JAK2: variants seen among roughly 807,000 people sequenced by gnomAD.
JAK2 encodes the protein tyrosine-protein kinase JAK2.
In JAK2, 86 loss-of-function variants were observed where a neutral mutation model predicts 139.3. That is an observed-to-expected ratio of 0.62 (90% CI 0.52 to 0.74). JAK2 has a LOEUF of 0.74. JAK2 is among the 30% of genes least tolerant of loss of function. The pLI, the probability that JAK2 is intolerant of heterozygous loss-of-function variation, is 0.00. For missense variants in JAK2, 1,421 were observed against 1,360.3 expected, an observed-to-expected ratio of 1.04 and a Z score of -0.70; for synonymous variants, 490 against 437.7, an observed-to-expected ratio of 1.12 and a Z score of -1.49.
At chr9:5,113,006 G>T (rs1822768163) in intron 22 of JAK2, among the ~76,000 whole-genome samples, 1 of 152,102 alleles carries the variant, frequency 6.6e-6, no homozygotes, top group South Asian at 2.1e-4. Context: ...GAGTGATGGG[G>T]GCAAGGAAGG....
chr9:5,042,650 C>T (rs1312325135), intron 4 of JAK2, among the ~76,000 whole-genome samples: 3 of 152,194 alleles, frequency 2.0e-5, no homozygotes, highest in Non-Finnish European at 4.4e-5. Flanking sequence ...TTGTCTCCCT[C>T]ATCCAAAGGC....
At chr9:5,114,748 A>C in intron 22 of JAK2, 1 of 339,954 alleles carries the variant, frequency 2.9e-6, no homozygotes, top group Non-Finnish European at 5.8e-6. Flanking sequence ...TCTGTGGTCC[A>C]TGAGACAGCG....
Position 5,072,436 on chromosome 9 carries a change from T to A in JAK2, c.1642-56T>A. The A allele has an allele frequency of 7.4e-6, 10 of 1,350,896 alleles. No homozygotes were observed. In the South Asian group the frequency reaches 1.7e-4, roughly 23 times the overall value. 83.7% of individuals were successfully genotyped at this position (1,350,896 alleles called of 1,614,324 possible). On this transcript the variant is annotated intron_variant, in intron 12 of 24. Coordinates refer to ENST00000381652, the MANE Select transcript of JAK2 (RefSeq NM_004972.4). The stretch of plus-strand genomic sequence containing the variant: ...TTCCTCATTGAATGTATTTTCTTGT[T>A]CCTACTTCGTTCTCCATCTTTACTC...
intron 8 of JAK2, among the ~76,000 whole-genome samples, chr9:5,058,951 T>C (rs1817969465): frequency 1.3e-5 from 2 of 152,232 alleles, no homozygotes; most frequent in Non-Finnish European, 2.9e-5. Context: ...AATATATGAT[T>C]TGCAAATATT....
intron 22 of JAK2, chr9:5,109,672 T>C (rs1191070607): frequency 3.9e-5 from 6 of 152,188 alleles, no homozygotes; most frequent in African/African-American, 1.4e-4. Flanking sequence ...GAAGTCATTA[T>C]CTCAAACTGA....
At chr9:5,126,594 A>G in intron 24 of JAK2, 90 bp from the exon 25 acceptor site, 4 of 970,986 alleles carry the variant, frequency 4.1e-6, no homozygotes, top group African/African-American at 3.3e-5. Flanking sequence ...TGGTTATGAC[A>G]TGTGCCCTGT....
chr9:5,071,400 C>CAT (rs1818940639), intron 12 of JAK2, among the ~76,000 whole-genome samples: 1 of 151,950 alleles, frequency 6.6e-6, no homozygotes, highest in Non-Finnish European at 1.5e-5. Flanking sequence ...CTATAAAATA[C>CAT]ATATACATGT....
intron 4 of JAK2, among the ~76,000 whole-genome samples, chr9:5,042,124 CTTTTTTTTTTT>C (rs71326152): frequency 3.7e-5 from 4 of 107,612 alleles, no homozygotes; most frequent in African/African-American, 7.7e-5. Flanking sequence ...GCCAAAATTT[CTTTTTTTTTTT>C]TTTTTTTTTT....
chr9:5,127,944 A>G lies in JAK2; in HGVS notation c.*1153A>G, dbSNP rs961966101. 1 of 232,346 alleles carries G rather than the reference A, an allele frequency of 4.3e-6. No individual in the cohort carries two copies. The highest frequency in any genetic ancestry group is 2.2e-5 in the African/African-American group (1 of 45,292). The allele number at this position is 232,346 out of a possible 1,614,324, so 14.4% of individuals were successfully genotyped here. On this transcript the variant is annotated 3_prime_UTR_variant, in exon 25 of 25. Transcript: ENST00000381652. ...ATTCAAGAATGCCAGTAGAAAATTC[A>G]TAACGTGTATCTTTAAGAAAAATGA...
intron 5 of JAK2, among the ~76,000 whole-genome samples, chr9:5,050,445 A>G (rs1041935596): frequency 6.6e-6 from 1 of 152,016 alleles, no homozygotes; most frequent in East Asian, 1.9e-4. Context: ...TAATTTTTAA[A>G]TTTTTTGTGG....
chr9:5,026,445 ATAATT>A (rs1312180379), intron 3 of JAK2, among the ~76,000 whole-genome samples: 5 of 152,228 alleles, frequency 3.3e-5, no homozygotes, highest in Admixed American at 6.5e-5. Flanking sequence ...GGTCGTGTTA[ATAATT>A]TAAATTAAGA....
rs1824165005 is a variant in JAK2, at chr9:5,128,786, T to C, written c.*1995T>C. ...ACTACACATAAAAATAAGATAACCC[T>C]GTAGTTATTAAGTTGGTTCTGTACA... On this transcript the variant is annotated 3_prime_UTR_variant, in exon 25 of 25. Transcript: ENST00000381652. Among the ~76,000 whole-genome samples, 1 of 151,976 alleles carries C rather than the reference T, an allele frequency of 6.6e-6. No individual in the cohort carries two copies. The highest frequency in any genetic ancestry group is 2.1e-4 in the South Asian group (1 of 4,832).
intron 4 of JAK2, chr9:5,041,689 G>T: frequency 5.9e-6 from 3 of 510,600 alleles, no homozygotes; most frequent in Non-Finnish European, 1.2e-5. Context: ...TTCGACCGAA[G>T]CGGCTTCGTG....
At chr9:5,032,042 A>T (rs558641648) in intron 4 of JAK2, among the ~76,000 whole-genome samples, 26 of 152,310 alleles carry the variant, frequency 1.7e-4, no homozygotes, top group African/African-American at 5.3e-4. Context: ...GCACCTGGAA[A>T]ATCGGGTCAC....
intron 22 of JAK2, chr9:5,112,962 C>A: frequency 4.9e-6 from 1 of 203,626 alleles, no homozygotes; most frequent in South Asian, 1.5e-4. Flanking sequence ...CAACTGTTGT[C>A]AGCATTGAGC....
At chr9:5,027,278 A>G (rs534604751) in intron 3 of JAK2, among the ~76,000 whole-genome samples, 1 of 152,358 alleles carries the variant, frequency 6.6e-6, no homozygotes, top group African/African-American at 2.4e-5. Context: ...AGCAAATCAC[A>G]TGAAGTTTTA....
intron 22 of JAK2, among the ~76,000 whole-genome samples, chr9:5,118,109 G>A (rs553010995): frequency 8.5e-5 from 13 of 152,158 alleles, no homozygotes; most frequent in African/African-American, 2.9e-4. Flanking sequence ...TGCAGTGAGC[G>A]GAGACCTCGC....
Position 5,054,874 on chromosome 9 carries a change from T to G in JAK2, c.926T>G (p.Leu309Arg). 1 of 1,594,186 alleles carries G rather than the reference T, an allele frequency of 6.3e-7. No individual in the cohort carries two copies. The highest frequency in any genetic ancestry group is 8.6e-7 in the Non-Finnish European group (1 of 1,168,726). ...SRGKHKESET[L>R]TEQDLQLYCD... Reference sequence around the variant, plus strand: ...GGGAAACATAAAGAAAGTGAGACACTGACAGAACAGGTAATCCTTAATGAT... The same window carrying G: ...GGGAAACATAAAGAAAGTGAGACACGGACAGAACAGGTAATCCTTAATGAT... The change falls in exon 7 of 25, where the codon CTG (leucine) becomes CGG (arginine). Residue 309 changes from leucine to arginine, a missense_variant. By Grantham distance (102) the Leu-to-Arg change is moderately radical. Coordinates refer to ENST00000381652, the MANE Select transcript of JAK2 (RefSeq NM_004972.4). This position sits in a 1 kb window ranked among gnomAD's most constrained non-coding sequence, Gnocchi z 4.9.
At chr9:4,993,042 A>G (rs959741662) in intron 2 of JAK2, among the ~76,000 whole-genome samples, 15 of 152,182 alleles carry the variant, frequency 9.9e-5, no homozygotes, top group African/African-American at 3.4e-4. Context: ...GTAGTGCTCC[A>G]GAGTCCAAAG....
Sources: gnomAD v4.1 joint callset for allele counts (sites outside exome capture counted in the v4.1 genomes callset) on GRCh38, gnomAD v4.1.1 for gene constraint, Gnocchi (gnomAD v3.1) non-coding constraint, MANE v1.5 for transcripts, NCBI Gene and HGNC (gene_info 2026-07-23, HGNC 2026-07-21) for gene names.